The following PEX5L variants were observed in gnomAD, a reference collection of about 807,000 sequenced individuals.
PEX5L encodes the protein peroxisomal biogenesis factor 5 like.
A neutral mutation model predicts 84.0 loss-of-function variants in PEX5L; 30 were observed. The ratio of observed to expected loss-of-function variants is 0.36; its 90% CI spans 0.27 to 0.48. PEX5L has a LOEUF of 0.48. Ranked by LOEUF, PEX5L falls within the 20% of genes least tolerant of loss-of-function variation. The pLI is 0.99. For missense variants in PEX5L, 533 were observed against 754.6 expected (o/e 0.71, Z 3.44); for synonymous variants, 270 against 283.1 (o/e 0.95, Z 0.46).
chr3:179,847,416 C>T (rs747215327), intron 8 of PEX5L, among the ~76,000 whole-genome samples: 28 of 152,084 alleles, frequency 1.8e-4, no homozygotes, highest in Non-Finnish European at 2.9e-4. Flanking sequence ...AGAGGTATAA[C>T]GGGTTGCCCT....
In PEX5L at chr3:179,878,540, AC is replaced by A. The variant is rs1375254174; in HGVS notation, c.505+1388del. Among the ~76,000 whole-genome samples the A allele has an allele frequency of 4.6e-5, 7 of 152,340 alleles. 1 individual carries two copies. The highest frequency in any genetic ancestry group is 1.4e-4 in the African/African-American group (6 of 41,580). On this transcript the variant is annotated intron_variant, in intron 5 of 14. Coordinates refer to ENST00000467460, the MANE Select transcript of PEX5L (RefSeq NM_016559.3). ...TCTCACTATTCTACCATCCTTGAGT[AC>A]TACTGAAATACGTATATTTACTTAA...
At chr3:179,814,700 G>T (rs1421156778) in intron 10 of PEX5L, among the ~76,000 whole-genome samples, 2 of 152,088 alleles carry the variant, frequency 1.3e-5, no homozygotes, top group Non-Finnish European at 2.9e-5. Flanking sequence ...CTTTTTGGTG[G>T]TCTCCCAGCC....
intron 1 of PEX5L, among the ~76,000 whole-genome samples, chr3:180,021,909 A>G (rs1202856521): frequency 6.6e-6 from 1 of 152,228 alleles, no homozygotes. Flanking sequence ...AGCCACAGGT[A>G]AAATAACAAT....
At chr3:179,887,840 G>T in intron 3 of PEX5L, 56 bp from the exon 4 acceptor site, 1 of 1,114,522 alleles carries the variant, frequency 9.0e-7, no homozygotes, top group Non-Finnish European at 1.4e-6. Context: ...AGAGTCAGAT[G>T]AATTAAAATG....
chr3:179,807,628 C>G, intron 14 of PEX5L, 46 bp downstream of exon 14: 1 of 1,570,366 alleles, frequency 6.4e-7, no homozygotes, highest in South Asian at 1.1e-5. Context: ...TATTCGACCT[C>G]AGTCCTGGGC....
At chr3:179,918,881 C>CA (rs1402542606) in intron 2 of PEX5L, among the ~76,000 whole-genome samples, 1 of 152,140 alleles carries the variant, frequency 6.6e-6, no homozygotes, top group Admixed American at 6.5e-5. Flanking sequence ...CATCCACAGA[C>CA]AGCAGAGAAT....
At chr3:180,023,226 T>A (rs1254154754) in intron 1 of PEX5L, among the ~76,000 whole-genome samples, 1 of 152,186 alleles carries the variant, frequency 6.6e-6, no homozygotes, top group African/African-American at 2.4e-5. Context: ...ATGACAGAGA[T>A]AAAATATCTA....
intron 7 of PEX5L, among the ~76,000 whole-genome samples, chr3:179,869,236 T>G (rs1749441513): frequency 6.6e-6 from 1 of 152,170 alleles, no homozygotes; most frequent in African/African-American, 2.4e-5. Context: ...CAAAAAGGCT[T>G]GAACCATCAG....
intron 7 of PEX5L, among the ~76,000 whole-genome samples, chr3:179,860,876 C>T (rs894342413): frequency 6.6e-6 from 1 of 152,158 alleles, no homozygotes; most frequent in East Asian, 1.9e-4. Context: ...CAAGGCCATG[C>T]TCATAACCAC....
chr3:179,923,095 C>T (rs1353587600), intron 2 of PEX5L, among the ~76,000 whole-genome samples: 1 of 151,662 alleles, frequency 6.6e-6, no homozygotes, highest in East Asian at 2.0e-4. Context: ...CAAGACCATC[C>T]TGGCTAACAC....
At chr3:179,888,763 GTTTTGTT>G (rs72057739) in intron 3 of PEX5L, among the ~76,000 whole-genome samples, 1,542 of 151,458 alleles carry the variant, frequency 0.01, 25 homozygotes, top group African/African-American at 0.036. Flanking sequence ...TTTTTGTTTT[GTTTTGTT>G]TTTTGTTTTT....
intron 1 of PEX5L, among the ~76,000 whole-genome samples, chr3:179,988,419 T>TAAATAAATAAATAAAA (rs1276669710): frequency 1.7e-3 from 248 of 147,022 alleles, no homozygotes; most frequent in African/African-American, 5.9e-3. Context: ...AATAAATAAA[T>TAAATAAATAAATAAAA]AAAATAAAAA....
intron 2 of PEX5L, among the ~76,000 whole-genome samples, chr3:179,904,944 C>T (rs1762638348): frequency 6.6e-6 from 1 of 152,152 alleles, no homozygotes; most frequent in Non-Finnish European, 1.5e-5. Flanking sequence ...ATGGCTCTTC[C>T]TGCCCTAATA....
intron 2 of PEX5L, among the ~76,000 whole-genome samples, chr3:179,925,330 G>A (rs1331405013): frequency 6.7e-6 from 1 of 150,318 alleles, no homozygotes; most frequent in Non-Finnish European, 1.5e-5. Flanking sequence ...CGTCCATCAT[G>A]CCCTATCCAT....
intron 4 of PEX5L, among the ~76,000 whole-genome samples, chr3:179,884,969 A>T (rs575541202): frequency 3.1e-4 from 47 of 151,728 alleles, no homozygotes; most frequent in African/African-American, 1.1e-3. Flanking sequence ...TATTTCCTAA[A>T]TTTTTTTTAT....
At chr3:179,882,042 T>C (rs758198790) in intron 4 of PEX5L, among the ~76,000 whole-genome samples, 6 of 152,200 alleles carry the variant, frequency 3.9e-5, no homozygotes, top group Admixed American at 3.3e-4. Context: ...AATGGTCAAA[T>C]AGAAATTTCC....
intron 12 of PEX5L, among the ~76,000 whole-genome samples, chr3:179,808,746 AATAAGGATTTAAC>A (rs1722405312): frequency 1.3e-5 from 2 of 152,164 alleles, no homozygotes; most frequent in Admixed American, 1.3e-4. Context: ...GGCCTCAGTG[AATAAGGATTTAAC>A]ATAAGGATTT....
chr3:179,795,553 A>G lies in PEX5L; in HGVS notation c.*6275T>C, dbSNP rs1389440879. 6.6e-6 allele frequency: 1 copy of G among 152,032 alleles called. No individual in the cohort carries two copies. The highest frequency in any genetic ancestry group is 1.5e-5 in the Non-Finnish European group (1 of 68,034). The allele number at this position is 152,032 out of a possible 1,614,324, so 9.4% of individuals were successfully genotyped here. On this transcript the variant is annotated 3_prime_UTR_variant, in exon 15 of 15. Coordinates refer to ENST00000467460, the MANE Select transcript of PEX5L (RefSeq NM_016559.3). ...TGATACAGTATCACATAATATGCCA[A>G]TCACTTTAAAATCCCCTCCCCCCCA...
At chr3:179,879,512 C>T (rs946676096) in intron 5 of PEX5L, among the ~76,000 whole-genome samples, 1 of 152,218 alleles carries the variant, frequency 6.6e-6, no homozygotes, top group Non-Finnish European at 1.5e-5. Flanking sequence ...TATTGTATGG[C>T]ATGTATTCCC....
Sources: gnomAD v4.1 joint callset for allele counts (sites outside exome capture counted in the v4.1 genomes callset) on GRCh38, gnomAD v4.1.1 for gene constraint, MANE v1.5 for transcripts, NCBI Gene and HGNC (gene_info 2026-07-23, HGNC 2026-07-21) for gene names.